Variants in KMT2C observed in about 807,000 individuals in gnomAD.
KMT2C encodes the protein histone-lysine N-methyltransferase 2C.
A neutral mutation model predicts 507.9 loss-of-function variants in KMT2C; 88 were observed. That is an observed-to-expected ratio of 0.17 (90% CI 0.15 to 0.21). KMT2C has a LOEUF of 0.21. Among genes scored for constraint, KMT2C ranks in the 10% least tolerant of loss-of-function variants. The pLI, the probability that KMT2C is intolerant of heterozygous loss-of-function variation, is 1.00. For missense variants in KMT2C, 4,954 were observed against 5,957.8 expected, an observed-to-expected ratio of 0.83 and a Z score of 5.55; for synonymous variants, 2,049 against 2,080.8, an observed-to-expected ratio of 0.98 and a Z score of 0.42.
intron 1 of KMT2C, among the ~76,000 whole-genome samples, chr7:152,389,071 A>T (rs1284002284): frequency 6.6e-6 from 1 of 151,762 alleles, no homozygotes; most frequent in Non-Finnish European, 1.5e-5. Context: ...TTTAGTAGAG[A>T]TGGGGTTTCA....
Position 152,138,735 on chromosome 7 carries a change from G to A in KMT2C, c.14643+61C>T. 1.0e-6 allele frequency: 1 copy of A among 1,000,862 alleles called. No individual in the cohort carries two copies. Among genetic ancestry groups the A allele is most frequent in the Non-Finnish European group, 1.5e-6 (1 of 658,720 alleles). The allele number at this position is 1,000,862 out of a possible 1,614,324, so 62.0% of individuals were successfully genotyped here. On this transcript the variant is annotated intron_variant, in intron 58 of 58. Coordinates refer to ENST00000262189, the MANE Select transcript of KMT2C (RefSeq NM_170606.3). The surrounding 1 kb of genome is among the most constrained non-coding windows in gnomAD (Gnocchi z 4.2). ...ACAAGTGAGTAAGTGACCTGTGTGA[G>A]GAGGGAACTATTCGCCCAGGATCTG...
chr7:152,263,264 T>A, intron 8 of KMT2C, 134 bp from the exon 9 acceptor site: 2 of 678,766 alleles, frequency 2.9e-6, no homozygotes, highest in South Asian at 2.3e-5. Context: ...TCTCTGCAGA[T>A]AGTAACAGAG....
chr7:152,162,835 CT>C lies in KMT2C; in HGVS notation c.10741del (p.Ser3581ValfsTer16). 1 of 1,614,180 alleles carries C rather than the reference CT, an allele frequency of 6.2e-7. No individual in the cohort carries two copies. Among genetic ancestry groups the C allele is most frequent in the Non-Finnish European group, 8.5e-7 (1 of 1,180,038 alleles). ...GAGCGATTGGGTTGATCCCGGATAACTGTGTCCATGGGTTATAGTAGAATCT... is the reference window on the plus strand; with the variant it reads ...GAGCGATTGGGTTGATCCCGGATAACGTGTCCATGGGTTATAGTAGAATCT... ...GQDSTITHGHSYPGSTQSLIQ... is the reference protein window; with the variant it reads ...GQDSTITHGHXYPGSTQSLIQ... On this transcript the variant is annotated frameshift_variant, in exon 43 of 59. Transcript: ENST00000262189. LOFTEE classifies it high-confidence loss of function.
intron 1 of KMT2C, among the ~76,000 whole-genome samples, chr7:152,416,304 G>C (rs79218670): frequency 2.2e-5 from 3 of 135,374 alleles, no homozygotes; most frequent in African/African-American, 8.1e-5. Flanking sequence ...CCAGCACTTT[G>C]GGAGGCCGAG....
intron 31 of KMT2C, among the ~76,000 whole-genome samples, chr7:152,192,600 T>C (rs570503376): frequency 2.0e-5 from 3 of 151,676 alleles, no homozygotes; most frequent in Non-Finnish European, 4.4e-5. Flanking sequence ...AGTTATATGA[T>C]AAGTATATTA....
intron 6 of KMT2C, among the ~76,000 whole-genome samples, chr7:152,297,051 A>AAGAGAG (rs1356233143): frequency 1.7e-5 from 1 of 60,240 alleles, no homozygotes; most frequent in Non-Finnish European, 3.3e-5. Flanking sequence ...GAAAGAAAGA[A>AAGAGAG]AGACAGAGAG....
Position 152,139,276 on chromosome 7 carries a change from T to G in KMT2C, c.14461-17A>C. On this transcript the variant is annotated splice_polypyrimidine_tract_variant and intron_variant, in intron 56 of 58. Coordinates refer to ENST00000262189, the MANE Select transcript of KMT2C (RefSeq NM_170606.3). ...ACCACGGTTCTGAGGGAAAAGTCAG[T>G]CAGTAAGTCATCAATGTCGACCTGA... 1 of 1,611,240 alleles carries G rather than the reference T, an allele frequency of 6.2e-7. No homozygotes were observed.
chr7:152,202,975 T>C lies in KMT2C; in HGVS notation c.4051A>G (p.Arg1351Gly), dbSNP rs2129135637. The C allele has an allele frequency of 6.2e-7, 1 of 1,606,440 alleles. No homozygotes were observed. Among genetic ancestry groups the C allele is most frequent in the Admixed American group, 1.7e-5 (1 of 59,500 alleles). ...TEKIKKRYRK[R>G]KNKLEETFPA... is the part of the protein sequence containing the mutation. ...AAAGTTTCTTCAAGCTTATTTTTCCTTTTTCGGTATCTCTTCTTTATTTTT... is the reference window on the plus strand; with the variant it reads ...AAAGTTTCTTCAAGCTTATTTTTCCCTTTTCGGTATCTCTTCTTTATTTTT... The change falls in exon 26 of 59, where the codon AGG becomes GGG. Residue 1351 changes from arginine (R) to glycine (G), a missense_variant. Arg to Gly is a moderately radical substitution (Grantham distance 125). This residue lies in a region of KMT2C where 176 missense variants were observed against 262.0 expected (regional missense o/e 0.67). Transcript: ENST00000262189.
rs1174945884 is a variant in KMT2C at position 152,152,966 on chromosome 7, T to C, written c.12277-12A>G. On this transcript the variant is annotated splice_polypyrimidine_tract_variant and intron_variant, in intron 48 of 58. Transcript: ENST00000262189. ...ACACTGCTAATGTTCTAAAACCAAA[T>C]GCAAATGCTGTATTATTCACCCAGA... is the stretch of plus-strand genomic sequence containing the variant. The C allele has an allele frequency of 6.2e-7, 1 of 1,613,068 alleles. No homozygotes were observed.
chr7:152,151,296 A>G (rs768961531), intron 50 of KMT2C, 146 bp downstream of exon 50: 1 of 793,854 alleles, frequency 1.3e-6, no homozygotes. Context: ...GCCCAAGCAC[A>G]TCTGATATAC....
intron 26 of KMT2C, 89 bp downstream of exon 26, chr7:152,202,845 C>G (rs1298871167): frequency 9.1e-7 from 1 of 1,097,428 alleles, no homozygotes; most frequent in Non-Finnish European, 1.3e-6. Context: ...AAAACATTAA[C>G]AAAAACAACA....
intron 48 of KMT2C, among the ~76,000 whole-genome samples, chr7:152,153,467 G>C (rs1327993926): frequency 6.6e-6 from 1 of 152,180 alleles, no homozygotes; most frequent in Non-Finnish European, 1.5e-5. Flanking sequence ...GATATAAGCA[G>C]ATGCTACTTG....
In KMT2C at chr7:152,222,880, G is replaced by A. The variant is rs1223924397; in HGVS notation, c.3324-198C>T. Among the ~76,000 whole-genome samples, 5 of 152,170 alleles carry A rather than the reference G, an allele frequency of 3.3e-5. No homozygotes were observed. The South Asian group carries it at 8.3e-4, about 25-fold the overall frequency. ...AGCTAAGAAGGAAATAAAAAGGAAT[G>A]AGAACAACTATTAGAGAGGAAGCAA... On this transcript the variant is annotated intron_variant, in intron 20 of 58. Coordinates refer to ENST00000262189, the MANE Select transcript of KMT2C (RefSeq NM_170606.3).
chr7:152,359,288 GAAAAAA>G (rs35157323), intron 1 of KMT2C, among the ~76,000 whole-genome samples: 3 of 81,178 alleles, frequency 3.7e-5, no homozygotes, highest in African/African-American at 1.2e-4. Context: ...GAAAGCAATT[GAAAAAA>G]AAAAAAAAAA....
intron 1 of KMT2C, among the ~76,000 whole-genome samples, chr7:152,387,763 G>A (rs1381373496): frequency 1.3e-5 from 2 of 152,096 alleles, no homozygotes; most frequent in African/African-American, 2.4e-5. Context: ...GAGCCACCGC[G>A]CCCGGCCTAA....
At chr7:152,326,760 G>A (rs1208850813) in intron 3 of KMT2C, among the ~76,000 whole-genome samples, 1 of 151,942 alleles carries the variant, frequency 6.6e-6, no homozygotes, top group East Asian at 1.9e-4. Flanking sequence ...AGGCGCCTGT[G>A]GTCCCAGCTA....
chr7:152,143,345 G>C (rs2090784912), intron 55 of KMT2C, among the ~76,000 whole-genome samples: 2 of 152,240 alleles, frequency 1.3e-5, no homozygotes, highest in African/African-American at 4.8e-5. Flanking sequence ...AGATAAAGTA[G>C]AGGAAGTCTC....
At position 152,145,152 on chromosome 7, in the gene KMT2C, C is replaced by T. The variant is rs2090978167; in HGVS notation, c.14174+1G>A. On this transcript the variant is annotated splice_donor_variant, in intron 54 of 58. Coordinates refer to ENST00000262189, the MANE Select transcript of KMT2C (RefSeq NM_170606.3). LOFTEE classifies it high-confidence loss of function. Reference sequence around the variant, plus strand: ...TACTATGTGAAGTTAAAACAAAATACCTTAACACAAACCTCTTGACATGGG... The same window carrying T: ...TACTATGTGAAGTTAAAACAAAATATCTTAACACAAACCTCTTGACATGGG... 6.2e-7 allele frequency: 1 copy of T among 1,613,554 alleles called. No homozygotes were observed. The highest frequency in any genetic ancestry group is 1.7e-5 in the Admixed American group (1 of 59,854).
At chr7:152,425,656 T>C (rs985864287) in intron 1 of KMT2C, among the ~76,000 whole-genome samples, 3 of 152,186 alleles carry the variant, frequency 2.0e-5, no homozygotes, top group South Asian at 2.1e-4. Context: ...TTTAAGAATA[T>C]GGTTATGTTT....
Sources: gnomAD v4.1 joint callset for allele counts (sites outside exome capture counted in the v4.1 genomes callset) on GRCh38, gnomAD v4.1.1 for gene constraint, gnomAD v4.1.1 regional missense constraint, Gnocchi (gnomAD v3.1) non-coding constraint, MANE v1.5 for transcripts, NCBI Gene and HGNC (gene_info 2026-07-23, HGNC 2026-07-21) for gene names.